ROBO1: variants seen among roughly 807,000 people sequenced by gnomAD.
ROBO1 encodes the protein roundabout guidance receptor 1.
A neutral mutation model predicts 195.9 loss-of-function variants in ROBO1; 149 were observed. The observed-to-expected ratio is 0.76, with a 90% CI of 0.67 to 0.87. ROBO1 has a LOEUF of 0.87. ROBO1 is among the 40% of genes least tolerant of loss of function. The probability of loss-of-function intolerance (pLI) is 0.00; values close to 1 mark genes in which losing one functional copy is unlikely to be tolerated. For missense variants in ROBO1, 1,933 were observed against 2,068.3 expected (o/e 0.93, Z 1.27); for synonymous variants, 816 against 733.2 (o/e 1.11, Z -1.82).
chr3:78,726,316 G>A (rs2082160951), intron 5 of ROBO1, among the ~76,000 whole-genome samples: 2 of 151,918 alleles, frequency 1.3e-5, no homozygotes, highest in South Asian at 4.2e-4. Context: ...GACACACATA[G>A]GCATCATCAT....
rs1559796956 is a variant in ROBO1 at position 79,294,080 on chromosome 3, A to AAAAG, written c.89-168545_89-168542dup. On this transcript the variant is annotated intron_variant, in intron 2 of 30. Coordinates refer to ENST00000464233, the MANE Select transcript of ROBO1 (RefSeq NM_002941.4). ...CTCAAAAAAAAAAAAAAAAAAAAAA[A>AAAAG]AAAGAAAGAAAAAACTACTTTGAAT... Among the ~76,000 whole-genome samples the AAAAG allele has an allele frequency of 2.1e-4, 30 of 140,118 alleles. 3 individuals are homozygous for AAAAG. The highest frequency in any genetic ancestry group is 4.5e-4 in the African/African-American group (17 of 37,924). 91.9% of individuals were successfully genotyped at this position (140,118 alleles called of 152,430 possible).
chr3:78,900,173 A>G (rs2037499310), intron 4 of ROBO1, among the ~76,000 whole-genome samples: 1 of 152,200 alleles, frequency 6.6e-6, no homozygotes, highest in Non-Finnish European at 1.5e-5. Context: ...ACATAACTGC[A>G]CTTTTCTAAG....
chr3:79,320,155 A>G (rs980429912), intron 2 of ROBO1, among the ~76,000 whole-genome samples: 4 of 152,198 alleles, frequency 2.6e-5, no homozygotes, highest in Non-Finnish European at 5.9e-5. Flanking sequence ...TCATGGTGCC[A>G]GGATATTTGG....
intron 2 of ROBO1, among the ~76,000 whole-genome samples, chr3:79,290,033 T>C (rs1303460883): frequency 6.6e-6 from 1 of 152,060 alleles, no homozygotes; most frequent in East Asian, 1.9e-4. Context: ...GTGTTCCTCC[T>C]TTCCTTTTCT....
At chr3:78,675,634 G>A (rs185148292) in intron 10 of ROBO1, among the ~76,000 whole-genome samples, 4 of 152,120 alleles carry the variant, frequency 2.6e-5, no homozygotes, top group South Asian at 2.1e-4. Context: ...TGCCATTGCC[G>A]AGTTAGTTGT....
chr3:78,980,833 C>T (rs552176627), intron 3 of ROBO1, among the ~76,000 whole-genome samples: 2 of 152,082 alleles, frequency 1.3e-5, no homozygotes, highest in African/African-American at 4.8e-5. Context: ...GCTAAGATAA[C>T]TCATAAAGAG....
intron 4 of ROBO1, among the ~76,000 whole-genome samples, chr3:78,778,115 C>T (rs2083561304): frequency 1.3e-5 from 2 of 151,970 alleles, no homozygotes; most frequent in Admixed American, 1.3e-4. Context: ...TAATTGGTTC[C>T]GTTTATGTGA....
intron 4 of ROBO1, among the ~76,000 whole-genome samples, chr3:78,884,633 G>GAGAAAGAAAGAAAGAGAA (rs1553755974): frequency 1.4e-4 from 12 of 87,532 alleles, no homozygotes; most frequent in African/African-American, 2.2e-4. Flanking sequence ...GAGAAAGAAA[G>GAGAAAGAAAGAAAGAGAA]AGAAAGAAAG....
At chr3:79,313,943 T>C (rs2033612618) in intron 2 of ROBO1, among the ~76,000 whole-genome samples, 1 of 152,192 alleles carries the variant, frequency 6.6e-6, no homozygotes, top group East Asian at 1.9e-4. Flanking sequence ...TACATGAGGG[T>C]ATAGAGTTGT....
At chr3:79,300,057 C>T (rs1559800994) in intron 2 of ROBO1, among the ~76,000 whole-genome samples, 1 of 152,232 alleles carries the variant, frequency 6.6e-6, no homozygotes, top group Non-Finnish European at 1.5e-5. Flanking sequence ...TGACAGCGTG[C>T]TGGCAGCCCT....
chr3:78,814,713 G>A (rs888674214), intron 4 of ROBO1, among the ~76,000 whole-genome samples: 4 of 151,964 alleles, frequency 2.6e-5, no homozygotes, highest in Non-Finnish European at 5.9e-5. Context: ...GAATCATGTC[G>A]AATTGCTATA....
chr3:78,783,735 AC>A (rs2083749375), intron 4 of ROBO1, among the ~76,000 whole-genome samples: 1 of 152,092 alleles, frequency 6.6e-6, no homozygotes, highest in Admixed American at 6.5e-5. Flanking sequence ...CTAGTTAATA[AC>A]CAAAACAATG....
At chr3:79,019,260 T>A (rs2078042739) in intron 3 of ROBO1, 1 of 985,734 alleles carries the variant, frequency 1.0e-6, no homozygotes, top group Middle Eastern at 5.2e-4. Flanking sequence ...AAGCCCAAAC[T>A]TCCTGGGGGC....
chr3:78,674,395 G>A (rs1194963243), intron 10 of ROBO1, among the ~76,000 whole-genome samples: 1 of 152,096 alleles, frequency 6.6e-6, no homozygotes, highest in Non-Finnish European at 1.5e-5. Flanking sequence ...CCATCCTCTG[G>A]ACTTGCTAAT....
At chr3:79,148,996 G>C (rs1273058272) in intron 2 of ROBO1, among the ~76,000 whole-genome samples, 2 of 151,784 alleles carry the variant, frequency 1.3e-5, no homozygotes, top group Non-Finnish European at 2.9e-5. Flanking sequence ...CCAGCAATTG[G>C]GACTTAACAC....
chr3:79,128,655 T>C (rs1217954984), intron 2 of ROBO1, among the ~76,000 whole-genome samples: 2 of 152,112 alleles, frequency 1.3e-5, no homozygotes, highest in Admixed American at 6.6e-5. Context: ...TCTTGAATCA[T>C]AACATCATAG....
chr3:79,608,251 T>C (rs1418818186), intron 1 of ROBO1, among the ~76,000 whole-genome samples: 1 of 151,960 alleles, frequency 6.6e-6, no homozygotes, highest in East Asian at 1.9e-4. Context: ...TTATAATAAT[T>C]ATCAGCTCTT....
intron 1 of ROBO1, among the ~76,000 whole-genome samples, chr3:79,664,514 T>C (rs921579881): frequency 2.0e-5 from 3 of 152,082 alleles, no homozygotes; most frequent in African/African-American, 7.2e-5. Flanking sequence ...AGAAATATGC[T>C]TTAGCATCTC....
At chr3:79,746,649 C>A (rs745731331) in intron 1 of ROBO1, among the ~76,000 whole-genome samples, 17 of 151,994 alleles carry the variant, frequency 1.1e-4, no homozygotes, top group Non-Finnish European at 1.9e-4. Flanking sequence ...GAGAAATATA[C>A]CACAGAGTAT....
Sources: allele counts gnomAD v4.1 joint callset (sites outside exome capture counted in the v4.1 genomes callset), GRCh38; gene constraint gnomAD v4.1.1; transcripts MANE v1.5; gene names NCBI Gene and HGNC (gene_info 2026-07-23, HGNC 2026-07-21).